CD200: variants seen among roughly 807,000 people sequenced by gnomAD.
The protein encoded by CD200 is CD200 molecule.
Under a neutral mutation model 30.9 loss-of-function variants are expected in CD200, and 15 were observed. The ratio of observed to expected loss-of-function variants is 0.49; its 90% confidence interval spans 0.32 to 0.75. CD200 has a LOEUF of 0.75. CD200 is among the 30% of genes least tolerant of loss of function. The pLI is 0.03. For missense variants in CD200, 262 were observed against 324.2 expected, an observed-to-expected ratio of 0.81 and a Z score of 1.47; for synonymous variants, 134 against 126.2, an observed-to-expected ratio of 1.06 and a Z score of -0.41.
chr3:112,340,993 C>G lies in CD200; in HGVS notation c.94+10C>G. ...CTGTGCACAGCACAAGGTAAAGAAA[C>G]TCAATTCCCCTGCTTGGAGCCCAGC... is the stretch of plus-strand genomic sequence containing the variant. On this transcript the variant is annotated intron_variant, in intron 2 of 5. Coordinates refer to ENST00000315711, the MANE Select transcript of CD200 (RefSeq NM_005944.7). The G allele has an allele frequency of 6.4e-7, 1 of 1,573,548 alleles. No homozygotes were observed.
At position 112,346,045 on chromosome 3, in the gene CD200, T is replaced by C. The variant is rs544800215; in HGVS notation, c.421+757T>C. ...TTATTAGGAATATTAAGGTGAGAGT[T>C]TACTCATGCCAATAATATTGCCCAC... On this transcript the variant is annotated intron_variant, in intron 3 of 5. Transcript: ENST00000315711. Among the ~76,000 whole-genome samples the C allele has an allele frequency of 5.9e-5, 9 of 152,214 alleles. No individual in the cohort carries two copies. In the East Asian group the frequency reaches 1.4e-3, roughly 23 times the overall value.
chr3:112,357,272 A>AG (rs1240893978), intron 5 of CD200, among the ~76,000 whole-genome samples: 17 of 89,286 alleles, frequency 1.9e-4, no homozygotes, highest in Non-Finnish European at 3.0e-4. Flanking sequence ...AAAAAAAAAA[A>AG]AAGAAAGAAA....
At chr3:112,360,558 C>G (rs1034020970) in intron 5 of CD200, among the ~76,000 whole-genome samples, 1 of 151,978 alleles carries the variant, frequency 6.6e-6, no homozygotes, top group Non-Finnish European at 1.5e-5. Flanking sequence ...TCTAGTAATT[C>G]GTTTTTACTA....
At position 112,347,690 on chromosome 3, in the gene CD200, C is replaced by G. The variant is rs144786858; in HGVS notation, c.554C>G (p.Thr185Ser). Residue 185 changes from threonine to serine, a missense_variant, in exon 4 of 6, where the codon ACT (threonine) becomes AGT (serine). Thr to Ser is a moderately conservative substitution (Grantham distance 58). Coordinates refer to ENST00000315711, the MANE Select transcript of CD200 (RefSeq NM_005944.7). ...PRSGIENSTV[T>S]LSHPNGTTSV... ...TCAGGGATTGAAAATAGTACAGTGACTCTGTCTCACCCAAATGGGACCACG... is the reference window on the plus strand; with the variant it reads ...TCAGGGATTGAAAATAGTACAGTGAGTCTGTCTCACCCAAATGGGACCACG... 1 of 1,613,962 alleles carries G rather than the reference C, an allele frequency of 6.2e-7. No homozygotes were observed. The highest frequency in any genetic ancestry group is 1.3e-5 in the African/African-American group (1 of 74,890).
At chr3:112,336,506 G>C (rs542009375) in intron 1 of CD200, among the ~76,000 whole-genome samples, 2 of 151,612 alleles carry the variant, frequency 1.3e-5, no homozygotes, top group African/African-American at 4.8e-5. Context: ...CAAAAATAGG[G>C]CTTAGTTAAG....
intron 5 of CD200, among the ~76,000 whole-genome samples, chr3:112,350,898 C>T (rs942801727): frequency 6.6e-6 from 1 of 152,090 alleles, no homozygotes; most frequent in African/African-American, 2.4e-5. Context: ...CAGATTAATT[C>T]TTGTGAATTT....
At chr3:112,346,407 AT>A (rs564559944) in intron 3 of CD200, among the ~76,000 whole-genome samples, 16 of 146,192 alleles carry the variant, frequency 1.1e-4, no homozygotes, top group African/African-American at 2.0e-4. Flanking sequence ...AGACTTTTGT[AT>A]TTTTTTTTCC....
chr3:112,332,913 A>G (rs1297264847), upstream of CD200: 1 of 479,796 alleles, frequency 2.1e-6, no homozygotes, highest in East Asian at 4.1e-5. Flanking sequence ...GGAAAATGGA[A>G]AAAAAAAAAT....
intron 3 of CD200, among the ~76,000 whole-genome samples, chr3:112,347,266 TATC>T (rs2081419019): frequency 6.6e-6 from 1 of 152,214 alleles, no homozygotes; most frequent in African/African-American, 2.4e-5. Flanking sequence ...GAGAGAAAAG[TATC>T]ATCTGACTTC....
intron 5 of CD200, among the ~76,000 whole-genome samples, chr3:112,358,678 G>T (rs1311285648): frequency 2.0e-5 from 3 of 151,972 alleles, no homozygotes; most frequent in Non-Finnish European, 4.4e-5. Flanking sequence ...GCTACCTGAA[G>T]GTGCTTGTAG....
At chr3:112,356,618 A>G (rs941660425) in intron 5 of CD200, among the ~76,000 whole-genome samples, 3 of 152,252 alleles carry the variant, frequency 2.0e-5, no homozygotes, top group Non-Finnish European at 4.4e-5. Flanking sequence ...AATTCTTTTC[A>G]TCTTAACCAA....
At chr3:112,356,384 G>A (rs1576624968) in intron 5 of CD200, among the ~76,000 whole-genome samples, 1 of 151,966 alleles carries the variant, frequency 6.6e-6, no homozygotes, top group East Asian at 1.9e-4. Flanking sequence ...GAAATTTTAT[G>A]TATTTATGGT....
At chr3:112,342,405 CTTTCTTTCTTTCTTTCT>C (rs1559783540) in intron 2 of CD200, among the ~76,000 whole-genome samples, 1 of 60,214 alleles carries the variant, frequency 1.7e-5, no homozygotes, top group Admixed American at 2.0e-4. Context: ...TTCTTTCTTT[CTTTCTTTCTTTCTTTCT>C]TTCTTTCTTC....
At chr3:112,349,118 A>G (rs1036239309) in intron 4 of CD200, among the ~76,000 whole-genome samples, 10 of 152,190 alleles carry the variant, frequency 6.6e-5, no homozygotes, top group African/African-American at 1.7e-4. Context: ...GAGACTCCCA[A>G]ATCAAGGAGT....
intron 5 of CD200, among the ~76,000 whole-genome samples, chr3:112,358,535 T>C (rs891324262): frequency 6.6e-6 from 1 of 152,228 alleles, no homozygotes; most frequent in Non-Finnish European, 1.5e-5. Flanking sequence ...TAGACATTTT[T>C]TTTGTAGGAG....
At chr3:112,344,911 T>G in intron 2 of CD200, 51 bp from the exon 3 acceptor site, 1 of 1,296,624 alleles carries the variant, frequency 7.7e-7, no homozygotes, top group South Asian at 1.4e-5. Flanking sequence ...CAGGAAAAAG[T>G]GTATGTGTGT....
intron 4 of CD200, among the ~76,000 whole-genome samples, 179 bp downstream of exon 4, chr3:112,348,009 A>G (rs369196966): frequency 6.6e-6 from 1 of 152,250 alleles, no homozygotes; most frequent in Non-Finnish European, 1.5e-5. Flanking sequence ...AGCAAGTTTT[A>G]CTTTCATAAA....
intron 1 of CD200, among the ~76,000 whole-genome samples, chr3:112,335,407 T>A (rs1242906385): frequency 1.3e-5 from 2 of 152,194 alleles, no homozygotes; most frequent in African/African-American, 4.8e-5. Flanking sequence ...ATGGTATGCT[T>A]GGGTATCGAA....
At chr3:112,349,252 A>C (rs1026393439) in intron 4 of CD200, among the ~76,000 whole-genome samples, 3 of 152,228 alleles carry the variant, frequency 2.0e-5, no homozygotes, top group Non-Finnish European at 4.4e-5. Context: ...CTGGGGGTTG[A>C]AATCATGAGA....
Sources: gnomAD v4.1 joint callset for allele counts (sites outside exome capture counted in the v4.1 genomes callset) on GRCh38, gnomAD v4.1.1 for gene constraint, MANE v1.5 for transcripts, NCBI Gene and HGNC (gene_info 2026-07-23, HGNC 2026-07-21) for gene names.